Variants in AGMO observed in about 807,000 individuals in gnomAD.
The protein encoded by AGMO is alkylglycerol monooxygenase.
A neutral mutation model predicts 60.2 loss-of-function variants in AGMO; 75 were observed. The ratio of observed to expected loss-of-function variants is 1.25; its 90% CI spans 1.03 to 1.51. The LOEUF (loss-of-function observed/expected upper bound fraction) is 1.51. AGMO is among the 40% of genes most tolerant of loss of function. The pLI, the probability that AGMO is intolerant of heterozygous loss-of-function variation, is 0.00. For missense variants in AGMO, 763 were observed against 525.5 expected (o/e 1.45, Z -4.42); for synonymous variants, 261 against 177.1 (o/e 1.47, Z -3.76).
At chr7:15,487,881 G>A (rs1329006066) in intron 3 of AGMO, among the ~76,000 whole-genome samples, 1 of 152,100 alleles carries the variant, frequency 6.6e-6, no homozygotes, top group East Asian at 1.9e-4. Flanking sequence ...CCTACAATGT[G>A]ATTAGAATAG....
At chr7:15,349,194 CTTCT>C (rs746692421) in intron 12 of AGMO, among the ~76,000 whole-genome samples, 4 of 152,034 alleles carry the variant, frequency 2.6e-5, no homozygotes, top group Non-Finnish European at 5.9e-5. Context: ...CTCAGAAAAC[CTTCT>C]TTAACACCTG....
At chr7:15,388,113 CT>C (rs1208013129) in intron 8 of AGMO, among the ~76,000 whole-genome samples, 2 of 151,958 alleles carry the variant, frequency 1.3e-5, no homozygotes, top group Admixed American at 1.3e-4. Context: ...TCTGTTTTGG[CT>C]TTATCAGAAT....
intron 12 of AGMO, among the ~76,000 whole-genome samples, chr7:15,304,537 G>A (rs1412787232): frequency 6.6e-6 from 1 of 152,008 alleles, no homozygotes; most frequent in African/African-American, 2.4e-5. Flanking sequence ...AGAAATATAA[G>A]GAAGATAAAG....
intron 3 of AGMO, among the ~76,000 whole-genome samples, chr7:15,513,566 A>G (rs1214052908): frequency 6.6e-6 from 1 of 152,170 alleles, no homozygotes; most frequent in East Asian, 1.9e-4. Context: ...GTCCCCCAAG[A>G]CAATCAGGAT....
At chr7:15,184,409 G>GAAGA in the AGMO span, among the ~76,000 whole-genome samples, 463 of 123,094 alleles carry the variant, frequency 3.8e-3, 89 homozygotes, top group African/African-American at 0.015. Flanking sequence ...GGAAGAAAGG[G>GAAGA]AAGGAAGGAA....
At chr7:15,277,664 G>C (rs145125666) in intron 12 of AGMO, among the ~76,000 whole-genome samples, 2 of 152,166 alleles carry the variant, frequency 1.3e-5, no homozygotes, top group Admixed American at 1.3e-4. Context: ...GGATTGTGCA[G>C]TTCAATCTAT....
At chr7:15,500,601 AT>A (rs1783357944) in intron 3 of AGMO, among the ~76,000 whole-genome samples, 1 of 151,872 alleles carries the variant, frequency 6.6e-6, no homozygotes, top group Non-Finnish European at 1.5e-5. Flanking sequence ...CAGGAAAAAT[AT>A]TTTTAAAATA....
chr7:15,174,428 A>G, the AGMO span, among the ~76,000 whole-genome samples: 1 of 152,116 alleles, frequency 6.6e-6, no homozygotes, highest in Non-Finnish European at 1.5e-5. Context: ...ATAAAAATAA[A>G]TTTTAAGAAA....
At chr7:15,180,358 T>G in the AGMO span, among the ~76,000 whole-genome samples, 178 of 152,290 alleles carry the variant, frequency 1.2e-3, no homozygotes, top group African/African-American at 4.2e-3. Flanking sequence ...TTTTTCATAT[T>G]CCAGTTCATC....
the AGMO span, among the ~76,000 whole-genome samples, chr7:15,167,034 TTTCTAATAGTCTAAACTGACA>T: frequency 6.6e-6 from 1 of 152,122 alleles, no homozygotes; most frequent in African/African-American, 2.4e-5. Context: ...CATTGGGAAA[TTTCTAATAGTCTAAACTGACA>T]TTCTAAATTT....
chr7:15,365,880 G>T (rs1782956255), intron 11 of AGMO, among the ~76,000 whole-genome samples: 1 of 151,932 alleles, frequency 6.6e-6, no homozygotes. Flanking sequence ...ATAAATATTA[G>T]GCAACTAAAT....
chr7:15,119,211 T>C, the AGMO span, among the ~76,000 whole-genome samples: 10 of 151,728 alleles, frequency 6.6e-5, no homozygotes, highest in South Asian at 2.1e-4. Context: ...GAGAGGTGAT[T>C]AGATCTCCTG....
At chr7:15,366,047 C>T in intron 11 of AGMO, 93 bp downstream of exon 11, 1 of 855,796 alleles carries the variant, frequency 1.2e-6, no homozygotes, top group Non-Finnish European at 1.8e-6. Context: ...TTTAAAACTA[C>T]ACTAGTTACA....
intron 12 of AGMO, among the ~76,000 whole-genome samples, chr7:15,213,176 G>A (rs971867235): frequency 2.6e-5 from 4 of 151,164 alleles, no homozygotes; most frequent in Non-Finnish European, 5.9e-5. Context: ...CCAACTCAAT[G>A]GATCCTCTCA....
intron 10 of AGMO, among the ~76,000 whole-genome samples, chr7:15,375,754 C>G (rs1783427454): frequency 6.6e-6 from 1 of 152,102 alleles, no homozygotes; most frequent in Admixed American, 6.5e-5. Flanking sequence ...CGCATTTAGA[C>G]TTGGGAGTTT....
intron 2 of AGMO, among the ~76,000 whole-genome samples, chr7:15,553,950 G>C (rs1325984813): frequency 2.0e-5 from 3 of 152,068 alleles, no homozygotes; most frequent in African/African-American, 7.2e-5. Flanking sequence ...CACAAAGAAA[G>C]AGGGGAGAAG....
chr7:15,546,981 A>G (rs1229387281), intron 2 of AGMO, among the ~76,000 whole-genome samples: 1 of 152,194 alleles, frequency 6.6e-6, no homozygotes, highest in African/African-American at 2.4e-5. Flanking sequence ...TTACCCATAT[A>G]AAATTCAAGT....
intron 12 of AGMO, among the ~76,000 whole-genome samples, chr7:15,302,079 G>C (rs1257835131): frequency 6.6e-6 from 1 of 152,080 alleles, no homozygotes; most frequent in Non-Finnish European, 1.5e-5. Context: ...GTACATACAA[G>C]TTTGCCTGTT....
chr7:15,160,664 T>A, the AGMO span, among the ~76,000 whole-genome samples: 1 of 152,218 alleles, frequency 6.6e-6, no homozygotes, highest in Non-Finnish European at 1.5e-5. Context: ...AATCTATTTA[T>A]AATTATCCAG....
Sources: allele counts gnomAD v4.1 joint callset (sites outside exome capture counted in the v4.1 genomes callset), GRCh38; gene constraint gnomAD v4.1.1; transcripts MANE v1.5; gene names NCBI Gene and HGNC (gene_info 2026-07-23, HGNC 2026-07-21).